The following MYO16 variants were observed in gnomAD, a reference collection of about 807,000 sequenced individuals.
The protein encoded by MYO16 is unconventional myosin-XVI.
In MYO16, 94 loss-of-function variants were observed where a neutral mutation model predicts 205.3. The ratio of observed to expected loss-of-function variants is 0.46; its 90% CI spans 0.39 to 0.54. The LOEUF (loss-of-function observed/expected upper bound fraction) is 0.54, where lower values mean the gene tolerates loss of function less well. Among genes scored for constraint, MYO16 ranks in the 20% least tolerant of loss-of-function variants. The pLI is 0.00. For missense variants in MYO16, 2,315 were observed against 2,387.5 expected (o/e 0.97, Z 0.63); for synonymous variants, 988 against 954.0 (o/e 1.04, Z -0.66).
intron 20 of MYO16, among the ~76,000 whole-genome samples, chr13:108,988,249 C>T (rs985370392): frequency 2.6e-5 from 4 of 152,092 alleles, no homozygotes; most frequent in Non-Finnish European, 5.9e-5. Context: ...GTAGTATGGG[C>T]GTTTTGCTGG....
At chr13:109,052,046 CAGTT>C (rs1182647443) in intron 24 of MYO16, among the ~76,000 whole-genome samples, 3 of 152,092 alleles carry the variant, frequency 2.0e-5, no homozygotes, top group Admixed American at 1.3e-4. Context: ...AAGTGTTACT[CAGTT>C]AGAGAGCAAG....
At chr13:108,505,674 A>T in the MYO16 span, among the ~76,000 whole-genome samples, 1 of 151,910 alleles carries the variant, frequency 6.6e-6, no homozygotes, top group Admixed American at 6.6e-5. Context: ...TTTTGGTTTG[A>T]TGTAGTCCTA....
the MYO16 span, among the ~76,000 whole-genome samples, chr13:108,519,270 A>G: frequency 1.3e-5 from 2 of 152,182 alleles, no homozygotes; most frequent in Non-Finnish European, 2.9e-5. Context: ...TAACATGCCA[A>G]TGATGGTGTA....
chr13:108,691,227 A>C (rs1882883256), intron 2 of MYO16, among the ~76,000 whole-genome samples: 1 of 152,126 alleles, frequency 6.6e-6, no homozygotes, highest in Non-Finnish European at 1.5e-5. Context: ...AGGCTCATGA[A>C]AGTGTCTCGG....
At chr13:108,632,226 G>A (rs962757470) in intron 1 of MYO16, among the ~76,000 whole-genome samples, 3 of 152,064 alleles carry the variant, frequency 2.0e-5, no homozygotes, top group East Asian at 3.9e-4. Flanking sequence ...ATCTGCTGGC[G>A]AGGTTCATCG....
chr13:108,872,129 AC>A (rs1176409398), intron 12 of MYO16, among the ~76,000 whole-genome samples: 2 of 152,152 alleles, frequency 1.3e-5, no homozygotes, highest in African/African-American at 4.8e-5. Context: ...AGAGAAACGC[AC>A]CCAATTTAAA....
chr13:109,202,706 C>T (rs2139974999), intron 34 of MYO16, among the ~76,000 whole-genome samples: 1 of 152,198 alleles, frequency 6.6e-6, no homozygotes, highest in South Asian at 2.1e-4. Flanking sequence ...AAAAAGCAAT[C>T]CTAAAACTCA....
chr13:108,764,740 C>G (rs1166037060), intron 4 of MYO16, among the ~76,000 whole-genome samples: 1 of 152,132 alleles, frequency 6.6e-6, no homozygotes, highest in African/African-American at 2.4e-5. Context: ...GAAATTGTAT[C>G]TTTTAATTGG....
At chr13:108,849,164 A>G (rs1315567678) in intron 10 of MYO16, among the ~76,000 whole-genome samples, 1 of 147,084 alleles carries the variant, frequency 6.8e-6, no homozygotes, top group Non-Finnish European at 1.5e-5. Flanking sequence ...GTCAACACGA[A>G]GTTTTTTTCT....
At chr13:108,712,821 C>A in intron 3 of MYO16, 90 bp downstream of exon 3, 1 of 912,960 alleles carries the variant, frequency 1.1e-6, no homozygotes, top group South Asian at 1.9e-5. Context: ...ATGTACATCT[C>A]ACAGATGATG....
chr13:108,535,551 A>G, the MYO16 span, among the ~76,000 whole-genome samples: 1 of 152,230 alleles, frequency 6.6e-6, no homozygotes. Context: ...TTGAAAAATA[A>G]CAAAATATGC....
At chr13:108,560,626 C>T in the MYO16 span, among the ~76,000 whole-genome samples, 1 of 152,120 alleles carries the variant, frequency 6.6e-6, no homozygotes, top group Non-Finnish European at 1.5e-5. Flanking sequence ...TTACACTTTA[C>T]ATTAATATTT....
the MYO16 span, among the ~76,000 whole-genome samples, chr13:108,582,374 T>C: frequency 2.6e-5 from 4 of 152,074 alleles, no homozygotes; most frequent in Non-Finnish European, 4.4e-5. Flanking sequence ...TATGACACTC[T>C]CTCAGGTAAT....
intron 2 of MYO16, among the ~76,000 whole-genome samples, chr13:108,674,059 A>G (rs1330408255): frequency 6.6e-6 from 1 of 152,206 alleles, no homozygotes; most frequent in Non-Finnish European, 1.5e-5. Flanking sequence ...TCGATGATCA[A>G]TATACATTGA....
At chr13:109,014,326 T>C (rs1361022942) in intron 22 of MYO16, among the ~76,000 whole-genome samples, 1 of 152,226 alleles carries the variant, frequency 6.6e-6, no homozygotes, top group Non-Finnish European at 1.5e-5. Context: ...TTGGTCTATC[T>C]CTCTGTTTTG....
In MYO16 at chr13:109,198,119, AAC is replaced by A. The variant is rs370597385; in HGVS notation, c.5416-8489_5416-8488del. ...TAAATCCATCTGCTCTTTTCTCATTAACCTACAACAGTATAAATAATATTACT... is the reference window on the plus strand; with the variant it reads ...TAAATCCATCTGCTCTTTTCTCATTACTACAACAGTATAAATAATATTACT... On this transcript the variant is annotated intron_variant, in intron 34 of 34. Coordinates refer to ENST00000457511, the MANE Select transcript of MYO16 (RefSeq NM_001198950.3). 9.2e-5 allele frequency among the ~76,000 whole-genome samples: 14 copies of A among 152,288 alleles called. No homozygotes were observed. In the South Asian group the frequency reaches 2.9e-3, roughly 32 times the overall value.
At chr13:108,576,786 G>A in the MYO16 span, among the ~76,000 whole-genome samples, 3 of 151,856 alleles carry the variant, frequency 2.0e-5, no homozygotes, top group East Asian at 5.8e-4. Context: ...TTTTGAGACA[G>A]GATCTCGCTG....
chr13:108,976,115 C>T (rs1047023518), intron 20 of MYO16, among the ~76,000 whole-genome samples: 1 of 151,990 alleles, frequency 6.6e-6, no homozygotes, highest in East Asian at 1.9e-4. Context: ...AAAAGCAGAG[C>T]AATAAGAAAA....
intron 20 of MYO16, among the ~76,000 whole-genome samples, chr13:108,983,714 C>G (rs1377234591): frequency 3.3e-5 from 5 of 152,156 alleles, no homozygotes; most frequent in African/African-American, 1.2e-4. Flanking sequence ...AGACTAAACG[C>G]TGCCTGAGGA....
Sources: gnomAD v4.1 joint callset for allele counts (sites outside exome capture counted in the v4.1 genomes callset) on GRCh38, gnomAD v4.1.1 for gene constraint, MANE v1.5 for transcripts, NCBI Gene and HGNC (gene_info 2026-07-23, HGNC 2026-07-21) for gene names.